SLC10A7: variants seen among roughly 807,000 people sequenced by gnomAD.
The protein encoded by SLC10A7 is solute carrier family 10 member 7, also known as sodium/bile acid cotransporter 7.
SLC10A7 carries 29 observed loss-of-function variants against 43.2 expected under a neutral mutation model. The ratio of observed to expected loss-of-function variants is 0.67; its 90% CI spans 0.50 to 0.92. The LOEUF is 0.92. Ranked by LOEUF, SLC10A7 falls within the 40% of genes least tolerant of loss-of-function variation. SLC10A7 has a pLI of 0.00. For synonymous variants in SLC10A7, 152 were observed against 144.8 expected (o/e 1.05, Z -0.35); for missense variants, 295 against 403.2 (o/e 0.73, Z 2.30).
chr4:146,515,470 C>G, intron 2 of SLC10A7, among the ~76,000 whole-genome samples: 1 of 152,098 alleles, frequency 6.6e-6, no homozygotes, highest in East Asian at 1.9e-4. Context: ...ATATTGTTTA[C>G]CAAAATTGGA....
chr4:146,414,590 G>T (rs1170507924), intron 5 of SLC10A7, among the ~76,000 whole-genome samples: 2 of 151,996 alleles, frequency 1.3e-5, no homozygotes, highest in Admixed American at 1.3e-4. Context: ...CAGGTGTGGT[G>T]GTCCATGTCT....
intron 4 of SLC10A7, among the ~76,000 whole-genome samples, chr4:146,466,322 G>C (rs528911213): frequency 4.5e-4 from 69 of 152,286 alleles, no homozygotes; most frequent in African/African-American, 1.6e-3. Context: ...CTAGAAATGA[G>C]ATTTAAAAGA....
intron 4 of SLC10A7, among the ~76,000 whole-genome samples, chr4:146,495,692 A>C (rs946433001): frequency 4.0e-5 from 6 of 151,730 alleles, no homozygotes; most frequent in African/African-American, 1.5e-4. Flanking sequence ...CACATGTGAT[A>C]ATTTTCTTTG....
At chr4:146,259,582 C>T (rs143475014) in intron 10 of SLC10A7, among the ~76,000 whole-genome samples, 2,831 of 152,286 alleles carry the variant, frequency 0.019, 83 homozygotes, top group African/African-American at 0.064. Context: ...GCCTAGGTGA[C>T]AGAGTGAGAC....
At chr4:146,354,394 C>G (rs1398283828) in intron 5 of SLC10A7, among the ~76,000 whole-genome samples, 1 of 152,002 alleles carries the variant, frequency 6.6e-6, no homozygotes, top group Non-Finnish European at 1.5e-5. Flanking sequence ...AAAGAGGACA[C>G]AAACAAATGG....
At chr4:146,326,820 A>G (rs1733141627) in intron 5 of SLC10A7, among the ~76,000 whole-genome samples, 1 of 152,170 alleles carries the variant, frequency 6.6e-6, no homozygotes, top group Non-Finnish European at 1.5e-5. Context: ...TATACCAGAA[A>G]AAACATTTCA....
At chr4:146,349,949 G>A in intron 5 of SLC10A7, among the ~76,000 whole-genome samples, 1 of 152,044 alleles carries the variant, frequency 6.6e-6, no homozygotes, top group East Asian at 1.9e-4. Flanking sequence ...ATATACCCTA[G>A]TAACAGTCCT....
chr4:146,495,605 CT>C, intron 4 of SLC10A7, among the ~76,000 whole-genome samples: 1 of 152,148 alleles, frequency 6.6e-6, no homozygotes, highest in Non-Finnish European at 1.5e-5. Context: ...GCTTCATTTG[CT>C]TTCCAAGCAG....
At chr4:146,384,288 C>T (rs1050661099) in intron 5 of SLC10A7, among the ~76,000 whole-genome samples, 15 of 151,936 alleles carry the variant, frequency 9.9e-5, no homozygotes, top group African/African-American at 3.6e-4. Context: ...AAGAAAAAAA[C>T]TGATAAATTT....
intron 5 of SLC10A7, among the ~76,000 whole-genome samples, chr4:146,364,673 A>C (rs1442712224): frequency 6.6e-6 from 1 of 152,136 alleles, no homozygotes; most frequent in Non-Finnish European, 1.5e-5. Flanking sequence ...AGGTGCAAAA[A>C]TACAGTTATC....
intron 4 of SLC10A7, among the ~76,000 whole-genome samples, chr4:146,452,115 T>C (rs1165766412): frequency 6.6e-6 from 1 of 152,092 alleles, no homozygotes; most frequent in East Asian, 1.9e-4. Flanking sequence ...CTCCGGCAGA[T>C]CAGATAAATA....
intron 5 of SLC10A7, among the ~76,000 whole-genome samples, chr4:146,372,625 C>G (rs1736877462): frequency 6.6e-6 from 1 of 151,982 alleles, no homozygotes; most frequent in African/African-American, 2.4e-5. Flanking sequence ...AATCACTAGC[C>G]TCCTTTCTAT....
intron 6 of SLC10A7, among the ~76,000 whole-genome samples, chr4:146,315,380 G>T (rs908020586): frequency 1.3e-5 from 2 of 152,028 alleles, no homozygotes; most frequent in Non-Finnish European, 2.9e-5. Context: ...CAGTATTAGT[G>T]ATAAACCACA....
chr4:146,288,391 A>C (rs1400370112), intron 9 of SLC10A7, among the ~76,000 whole-genome samples: 1 of 152,192 alleles, frequency 6.6e-6, no homozygotes, highest in Non-Finnish European at 1.5e-5. Context: ...CCATACAAAC[A>C]GATAGTGTTA....
chr4:146,460,829 GT>G (rs1732466549), intron 4 of SLC10A7, among the ~76,000 whole-genome samples: 1 of 151,982 alleles, frequency 6.6e-6, no homozygotes. Context: ...AAAAATCTCA[GT>G]TTTTAGATCA....
intron 10 of SLC10A7, among the ~76,000 whole-genome samples, chr4:146,267,334 C>T (rs1436518563): frequency 1.3e-5 from 2 of 152,096 alleles, no homozygotes; most frequent in African/African-American, 2.4e-5. Context: ...TTAGTCTGCA[C>T]AGCCCCCAGA....
At chr4:146,329,920 T>C (rs1296079601) in intron 5 of SLC10A7, among the ~76,000 whole-genome samples, 1 of 152,206 alleles carries the variant, frequency 6.6e-6, no homozygotes, top group South Asian at 2.1e-4. Flanking sequence ...TGAAAATGGA[T>C]AAAACCAAAG....
At chr4:146,510,114 CT>C in intron 2 of SLC10A7, 65 bp from the exon 3 acceptor site, 1 of 1,472,042 alleles carries the variant, frequency 6.8e-7, no homozygotes, top group Non-Finnish European at 9.1e-7. Context: ...GAGATCCCTA[CT>C]AAAATAACAT....
intron 5 of SLC10A7, among the ~76,000 whole-genome samples, chr4:146,340,230 G>A (rs1157187798): frequency 6.6e-6 from 1 of 151,854 alleles, no homozygotes; most frequent in Non-Finnish European, 1.5e-5. Flanking sequence ...TCCAAAGCCT[G>A]ATGGAACTCT....
Sources: gnomAD v4.1 joint callset for allele counts (sites outside exome capture counted in the v4.1 genomes callset) on GRCh38, gnomAD v4.1.1 for gene constraint, MANE v1.5 for transcripts, NCBI Gene and HGNC (gene_info 2026-07-23, HGNC 2026-07-21) for gene names.